The following CHLSN variants were observed in gnomAD, a reference collection of about 807,000 sequenced individuals.
CHLSN encodes the protein cholesin.
At chr7:1,100,442 G>A in the CHLSN span, among the ~76,000 whole-genome samples, 1 of 152,380 alleles carries the variant, frequency 6.6e-6, no homozygotes, top group South Asian at 2.1e-4. Flanking sequence ...ACCCGGGACA[G>A]GTCTGAGCTC....
At chr7:979,734 C>CA in the CHLSN span, among the ~76,000 whole-genome samples, 7,535 of 136,032 alleles carry the variant, frequency 0.055, 284 homozygotes, top group African/African-American at 0.12. Context: ...AACTCCGTCT[C>CA]AAAAAAAAAA....
At chr7:1,002,023 GGGGAGTCCTGTGGGTT>G in the CHLSN span, among the ~76,000 whole-genome samples, 1 of 115,328 alleles carries the variant, frequency 8.7e-6, no homozygotes, top group Admixed American at 7.9e-5. Context: ...TCCTGTGGGT[GGGGAGTCCTGTGGGTT>G]AGTGGAGTCC....
At chr7:987,664 G>T in the CHLSN span, 5 of 923,884 alleles carry the variant, frequency 5.4e-6, no homozygotes, top group African/African-American at 3.4e-5. Flanking sequence ...GGCAATAAAG[G>T]GCGTCCAGCC....
the CHLSN span, among the ~76,000 whole-genome samples, chr7:1,005,788 G>A: frequency 6.6e-6 from 1 of 152,206 alleles, no homozygotes; most frequent in Non-Finnish European, 1.5e-5. Context: ...CCTCCCGCAG[G>A]TGAGTGGGGG....
At chr7:1,070,538 G>A in the CHLSN span, among the ~76,000 whole-genome samples, 19 of 145,648 alleles carry the variant, frequency 1.3e-4, no homozygotes, top group Admixed American at 8.9e-4. Flanking sequence ...TACACCACGT[G>A]CACAGGGACA....
chr7:1,085,186 A>G, the CHLSN span, among the ~76,000 whole-genome samples: 21 of 152,378 alleles, frequency 1.4e-4, no homozygotes, highest in Non-Finnish European at 2.5e-4. Flanking sequence ...CTATGTGTGC[A>G]TTTAGCTCAA....
the CHLSN span, chr7:1,010,174 G>A: frequency 6.3e-7 from 1 of 1,583,812 alleles, no homozygotes; most frequent in South Asian, 1.1e-5. Flanking sequence ...TAGGCTTCGG[G>A]GATGGAGGGT....
the CHLSN span, chr7:983,158 G>C: frequency 1.3e-5 from 18 of 1,416,186 alleles, no homozygotes; most frequent in Non-Finnish European, 1.4e-5. Flanking sequence ...GCCTATAAGG[G>C]TGCGGGGGGG....
the CHLSN span, among the ~76,000 whole-genome samples, chr7:1,052,196 C>A: frequency 6.6e-6 from 1 of 152,266 alleles, no homozygotes; most frequent in Non-Finnish European, 1.5e-5. This position sits in a 1 kb window ranked among gnomAD's most constrained non-coding sequence, Gnocchi z 4.2. Context: ...GACCCTGAGG[C>A]CTGCTCCAGG....
At chr7:1,040,704 A>G in the CHLSN span, among the ~76,000 whole-genome samples, 1 of 146,238 alleles carries the variant, frequency 6.8e-6, no homozygotes, top group Admixed American at 6.8e-5. Context: ...AAAAAAAAAA[A>G]GGATAAATTA....
At chr7:1,055,924 CA>C in the CHLSN span, among the ~76,000 whole-genome samples, 1 of 152,184 alleles carries the variant, frequency 6.6e-6, no homozygotes, top group Non-Finnish European at 1.5e-5. Context: ...GTGACGTCCC[CA>C]AACTGGGCTG....
the CHLSN span, among the ~76,000 whole-genome samples, chr7:1,010,806 G>A: frequency 2.6e-5 from 4 of 152,196 alleles, no homozygotes; most frequent in Admixed American, 2.0e-4. Flanking sequence ...GGGCAGCCGG[G>A]CCACGGGGTG....
the CHLSN span, chr7:988,201 G>C: frequency 1.7e-5 from 25 of 1,477,796 alleles, no homozygotes; most frequent in Non-Finnish European, 2.1e-5. Context: ...CTACATCCTG[G>C]AATGAAACTT....
chr7:1,027,845 C>T, the CHLSN span, among the ~76,000 whole-genome samples: 3 of 152,244 alleles, frequency 2.0e-5, no homozygotes, highest in Non-Finnish European at 4.4e-5. Flanking sequence ...ACCCAGGGTC[C>T]TCAGAGCTCG....
chr7:1,053,862 TC>T, the CHLSN span, among the ~76,000 whole-genome samples: 1 of 152,080 alleles, frequency 6.6e-6, no homozygotes, highest in Non-Finnish European at 1.5e-5. Context: ...ACCATACACT[TC>T]ATGCTCACTT....
At chr7:1,039,637 C>A in the CHLSN span, among the ~76,000 whole-genome samples, 1 of 67,038 alleles carries the variant, frequency 1.5e-5, no homozygotes, top group Admixed American at 1.4e-4. Flanking sequence ...AAGTGAGGAG[C>A]CCCTCTGCCC....
chr7:1,117,636 TACA>T, the CHLSN span, among the ~76,000 whole-genome samples: 2 of 132,874 alleles, frequency 1.5e-5, no homozygotes, highest in African/African-American at 5.9e-5. Context: ...ATGACATCAC[TACA>T]GCTCTACGGA....
At chr7:1,119,961 C>G in the CHLSN span, among the ~76,000 whole-genome samples, 2 of 151,246 alleles carry the variant, frequency 1.3e-5, no homozygotes, top group Non-Finnish European at 2.9e-5. Flanking sequence ...AAGTTAGATC[C>G]CTATCACACA....
At chr7:1,087,161 G>A in the CHLSN span, 3 of 152,252 alleles carry the variant, frequency 2.0e-5, no homozygotes, top group Non-Finnish European at 4.4e-5. Context: ...TTTATTCTCC[G>A]CCTGCACGAG....
Sources: allele counts gnomAD v4.1 joint callset (sites outside exome capture counted in the v4.1 genomes callset), GRCh38; gene constraint gnomAD v4.1.1; non-coding constraint Gnocchi (gnomAD v3.1); transcripts MANE v1.5; gene names NCBI Gene and HGNC (gene_info 2026-07-23, HGNC 2026-07-21).